The following KIAA1549L variants were observed in gnomAD, a reference collection of about 807,000 sequenced individuals.
KIAA1549L encodes KIAA1549 like, also known as UPF0606 protein KIAA1549L.
In KIAA1549L, 88 loss-of-function variants were observed where a neutral mutation model predicts 160.7. That is an observed-to-expected ratio of 0.55 (90% CI 0.46 to 0.65). The LOEUF is 0.65. Among genes scored for constraint, KIAA1549L ranks in the 30% least tolerant of loss-of-function variants. The pLI, the probability that KIAA1549L is intolerant of heterozygous loss-of-function variation, is 0.00. For synonymous variants in KIAA1549L, 950 were observed against 976.7 expected (o/e 0.97, Z 0.51); for missense variants, 2,258 against 2,437.5 (o/e 0.93, Z 1.55).
chr11:33,581,397 T>TTGTGTGTG (rs10579855), intron 10 of KIAA1549L, among the ~76,000 whole-genome samples: 189 of 149,776 alleles, frequency 1.3e-3, no homozygotes, highest in African/African-American at 4.4e-3. Flanking sequence ...TTCTGACAAA[T>TTGTGTGTG]TGTGTGTGTG....
chr11:33,454,486 C>T (rs1023068941), intron 1 of KIAA1549L, among the ~76,000 whole-genome samples: 2 of 152,050 alleles, frequency 1.3e-5, no homozygotes, highest in Non-Finnish European at 2.9e-5. Context: ...CTAAATAGTC[C>T]CACTGAGCTC....
intron 5 of KIAA1549L, among the ~76,000 whole-genome samples, chr11:33,551,757 A>G (rs1364393405): frequency 6.6e-6 from 1 of 152,172 alleles, no homozygotes; most frequent in African/African-American, 2.4e-5. Flanking sequence ...TCAACTTAGC[A>G]ATGGAGGTCA....
chr11:33,397,133 C>T (rs1438494931), intron 1 of KIAA1549L, among the ~76,000 whole-genome samples: 1 of 149,464 alleles, frequency 6.7e-6, no homozygotes, highest in African/African-American at 2.5e-5. Flanking sequence ...GGGTTCGACA[C>T]CAGCCTGGCC....
chr11:33,596,834 T>C (rs1850214676), intron 12 of KIAA1549L, among the ~76,000 whole-genome samples: 1 of 152,178 alleles, frequency 6.6e-6, no homozygotes. Flanking sequence ...TTAAAGCCTT[T>C]TGTACCAGTG....
intron 17 of KIAA1549L, among the ~76,000 whole-genome samples, chr11:33,652,314 C>A (rs1424423224): frequency 2.0e-5 from 3 of 151,980 alleles, no homozygotes; most frequent in African/African-American, 7.3e-5. Context: ...TAGAAGACAC[C>A]CTGGGGGAGG....
At position 33,542,070 on chromosome 11, in the gene KIAA1549L, C is replaced by T. The variant is rs1046804558; in HGVS notation, c.507C>T (p.Leu169=). The change falls in exon 2 of 21, where the codon CTC becomes CTT. Residue 169 remains leucine (L), a synonymous_variant. Coordinates refer to ENST00000658780, the MANE Select transcript of KIAA1549L (RefSeq NM_012194.3). ...LYQGSGHSAS[L]EPSKDSTESL... ...AAGGAAGCGGACATAGCGCCTCCCTCGAACCTTCCAAGGATTCTACCGAGT... is the reference window on the plus strand; with the variant it reads ...AAGGAAGCGGACATAGCGCCTCCCTTGAACCTTCCAAGGATTCTACCGAGT... 1.5e-5 allele frequency: 7 copies of T among 475,220 alleles called. No homozygotes were observed. The highest frequency in any genetic ancestry group is 1.7e-5 in the Non-Finnish European group (4 of 239,786). 29.4% of individuals were successfully genotyped at this position (475,220 alleles called of 1,614,324 possible). A position where few individuals can be genotyped will look rare whatever the true frequency, so the allele number is the denominator to read the frequency against.
intron 1 of KIAA1549L, among the ~76,000 whole-genome samples, chr11:33,402,514 A>C (rs1306296856): frequency 1.3e-5 from 2 of 152,082 alleles, no homozygotes; most frequent in Non-Finnish European, 2.9e-5. Flanking sequence ...CATAAAGCAA[A>C]TCATATATCC....
At chr11:33,382,604 G>A (rs1850093686) in intron 1 of KIAA1549L, among the ~76,000 whole-genome samples, 1 of 152,132 alleles carries the variant, frequency 6.6e-6, no homozygotes, top group Non-Finnish European at 1.5e-5. Context: ...AAAGACATAT[G>A]ACCAGAGTGT....
rs557978572 is a variant in KIAA1549L, at chr11:33,574,791, C to T, written c.4320C>T (p.Thr1440=). The T allele has an allele frequency of 1.1e-4, 170 of 1,613,946 alleles. No individual in the cohort carries two copies. In the South Asian group the frequency reaches 1.5e-3, roughly 14 times the overall value. ...ACAACGGGAAGCCTTTGTTGGGGACCGCAGCTGCCAAGATCCTGAGCACCA... is the reference window on the plus strand; with the variant it reads ...ACAACGGGAAGCCTTTGTTGGGGACTGCAGCTGCCAAGATCCTGAGCACCA... The part of the protein sequence containing the change: ...TLYNGKPLLG[T]AAAKILSTID... The change falls in exon 10 of 21, where the codon ACC becomes ACT. Residue 1440 remains threonine, a synonymous_variant. Coordinates refer to ENST00000658780, the MANE Select transcript of KIAA1549L (RefSeq NM_012194.3).
chr11:33,559,852 A>G lies in KIAA1549L; in HGVS notation c.3959A>G (p.Gln1320Arg). Residue 1320 changes from glutamine (Q) to arginine (R), a missense_variant, in exon 7 of 21, where the codon CAG becomes CGG. Gln to Arg is a conservative substitution (Grantham distance 43). Coordinates refer to ENST00000658780, the MANE Select transcript of KIAA1549L (RefSeq NM_012194.3). Reference protein sequence around the residue: ...NGTVASSLLSQLSAELVGFYL... With the variant: ...NGTVASSLLSRLSAELVGFYL... ...ACCGTCGCCAGCAGCCTCCTCAGCC[A>G]GCTCTCGGCTGAGCTGGTGGGATTC... The G allele has an allele frequency of 1.2e-6, 2 of 1,613,972 alleles. No individual in the cohort carries two copies. Among genetic ancestry groups the G allele is most frequent in the Non-Finnish European group, 1.7e-6 (2 of 1,179,838 alleles).
At chr11:33,567,999 G>C (rs1426053106) in intron 8 of KIAA1549L, 77 bp from the exon 9 acceptor site, 76 of 1,439,380 alleles carry the variant, frequency 5.3e-5, no homozygotes, top group Non-Finnish European at 6.8e-5. Context: ...GCCTGTGCAG[G>C]GTCAGTGGTG....
chr11:33,545,418 G>T (rs1183053432), intron 3 of KIAA1549L, 40 bp downstream of exon 3: 1 of 1,561,766 alleles, frequency 6.4e-7, no homozygotes, highest in East Asian at 2.3e-5. Context: ...AGCAAGCCTG[G>T]CCTCAGAGAT....
chr11:33,559,772 C>T lies in KIAA1549L; in HGVS notation c.3879C>T (p.Ser1293=). ...AGATTGTGAGCACGTCCAATGCCTC[C>T]CAGGCAGTCACCTTGGTGTACGTCG... ...TIQIVSTSNA[S]QAVTLVYVVG... Residue 1293 remains serine (S), a synonymous_variant, in exon 7 of 21, where the codon TCC becomes TCT. Transcript: ENST00000658780. The T allele has an allele frequency of 1.9e-6, 3 of 1,613,964 alleles. No individual in the cohort carries two copies. Among genetic ancestry groups the T allele is most frequent in the Non-Finnish European group, 2.5e-6 (3 of 1,179,864 alleles).
At chr11:33,420,238 T>TG (rs200546918) in intron 1 of KIAA1549L, among the ~76,000 whole-genome samples, 17,505 of 148,124 alleles carry the variant, frequency 0.12, 1,190 homozygotes, top group East Asian at 0.18. Flanking sequence ...TTTTTTTGTT[T>TG]TTTTTTTTTT....
At chr11:33,442,002 A>G (rs932326257) in intron 1 of KIAA1549L, among the ~76,000 whole-genome samples, 6 of 151,964 alleles carry the variant, frequency 3.9e-5, no homozygotes, top group African/African-American at 1.2e-4. Context: ...GCCCATGCCT[A>G]TGTCCTGAAT....
chr11:33,410,549 A>G (rs906014368), intron 1 of KIAA1549L, among the ~76,000 whole-genome samples: 8 of 152,200 alleles, frequency 5.3e-5, no homozygotes, highest in Admixed American at 4.6e-4. Context: ...GCCTCAGTCC[A>G]TCTCATACTT....
chr11:33,414,788 CAT>C lies in KIAA1549L; in HGVS notation c.238+37900_238+37901del, dbSNP rs1590229018. ...AATCGAATAAATAATGTGTTTTTAT[CAT>C]GTGTTTATTAGCTATTTGTGAGGAG... On this transcript the variant is annotated intron_variant, in intron 1 of 20. Transcript: ENST00000658780. Among the ~76,000 whole-genome samples the C allele has an allele frequency of 2.6e-5, 4 of 152,010 alleles. No individual in the cohort carries two copies. The East Asian group carries it at 7.7e-4, about 29-fold the overall frequency.
chr11:33,475,729 C>T (rs556325175), intron 1 of KIAA1549L, among the ~76,000 whole-genome samples: 81 of 151,310 alleles, frequency 5.4e-4, no homozygotes, highest in Non-Finnish European at 9.7e-4. Context: ...ACGTGGTGCA[C>T]ATCTATGGTC....
chr11:33,448,029 A>G (rs1179680467), intron 1 of KIAA1549L, among the ~76,000 whole-genome samples: 1 of 152,206 alleles, frequency 6.6e-6, no homozygotes, highest in Non-Finnish European at 1.5e-5. Flanking sequence ...AGACAAAAGC[A>G]TCTTCTAGCA....
Sources: allele counts gnomAD v4.1 joint callset (sites outside exome capture counted in the v4.1 genomes callset), GRCh38; gene constraint gnomAD v4.1.1; transcripts MANE v1.5; gene names NCBI Gene and HGNC (gene_info 2026-07-23, HGNC 2026-07-21).